PODXL2: variants seen among roughly 807,000 people sequenced by gnomAD.
PODXL2 encodes the protein podocalyxin like 2.
In PODXL2, 17 loss-of-function variants were observed where a neutral mutation model predicts 53.4. The observed-to-expected ratio is 0.32, with a 90% CI of 0.22 to 0.48. The LOEUF (loss-of-function observed/expected upper bound fraction) is 0.48, where lower values mean the gene tolerates loss of function less well. PODXL2 is among the 20% of genes least tolerant of loss of function. PODXL2 has a pLI of 0.99. For synonymous variants in PODXL2, 311 were observed against 306.7 expected, an observed-to-expected ratio of 1.01 and a Z score of -0.15; for missense variants, 673 against 760.0, an observed-to-expected ratio of 0.89 and a Z score of 1.35.
chr3:127,642,819 G>C (rs1405986946), intron 2 of PODXL2, among the ~76,000 whole-genome samples: 1 of 152,116 alleles, frequency 6.6e-6, no homozygotes, highest in Non-Finnish European at 1.5e-5. Context: ...AAGAGAACAG[G>C]CTTTGGAGTC....
intron 2 of PODXL2, among the ~76,000 whole-genome samples, chr3:127,657,001 A>G (rs1464316066): frequency 6.6e-6 from 1 of 152,084 alleles, no homozygotes; most frequent in Non-Finnish European, 1.5e-5. Flanking sequence ...TGATTGCACC[A>G]CTGCACTCCA....
intron 2 of PODXL2, among the ~76,000 whole-genome samples, chr3:127,647,212 GA>G (rs2074662250): frequency 6.6e-6 from 1 of 152,112 alleles, no homozygotes; most frequent in Non-Finnish European, 1.5e-5. Context: ...CATTTCAAGT[GA>G]AAAGAGCAAC....
chr3:127,653,535 A>G (rs1165660652), intron 2 of PODXL2, among the ~76,000 whole-genome samples: 1 of 152,030 alleles, frequency 6.6e-6, no homozygotes, highest in Non-Finnish European at 1.5e-5. Flanking sequence ...AGTCCCAGCT[A>G]CTCAGGAGGC....
Position 127,668,467 on chromosome 3 carries a change from A to G in PODXL2, c.1233A>G (p.Pro411=). ...DCEVFRQHRG[P]QLLALVEEVL... ...AGGTGTTCCGGCAGCACCGGGGGCC[A>G]CAGCTCCTGGCCCTGGTGGAAGAGG... is the stretch of plus-strand genomic sequence containing the variant. Residue 411 remains proline (P), a synonymous_variant, in exon 5 of 8, where the codon CCA becomes CCG. Coordinates refer to ENST00000342480, the MANE Select transcript of PODXL2 (RefSeq NM_015720.4). 1 of 1,545,784 alleles carries G rather than the reference A, an allele frequency of 6.5e-7. No individual in the cohort carries two copies. Among genetic ancestry groups the G allele is most frequent in the Non-Finnish European group, 8.7e-7 (1 of 1,147,902 alleles).
At chr3:127,634,242 A>G (rs1422127783) in intron 1 of PODXL2, among the ~76,000 whole-genome samples, 2 of 152,150 alleles carry the variant, frequency 1.3e-5, no homozygotes, top group African/African-American at 4.8e-5. Context: ...CCTGGCCAAC[A>G]TGGCGACACC....
intron 2 of PODXL2, among the ~76,000 whole-genome samples, chr3:127,651,017 C>A (rs771511459): frequency 3.9e-5 from 6 of 152,196 alleles, no homozygotes; most frequent in Non-Finnish European, 8.8e-5. Flanking sequence ...GTAATCCCAA[C>A]GCTTCGGGAG....
At chr3:127,646,871 C>T (rs2074660251) in intron 2 of PODXL2, among the ~76,000 whole-genome samples, 1 of 152,160 alleles carries the variant, frequency 6.6e-6, no homozygotes, top group Non-Finnish European at 1.5e-5. Flanking sequence ...AGCACTGATG[C>T]CCTGGGCCTG....
At chr3:127,631,039 C>G (rs974061882) in intron 1 of PODXL2, among the ~76,000 whole-genome samples, 4 of 152,228 alleles carry the variant, frequency 2.6e-5, no homozygotes. Context: ...GCACTTCTTA[C>G]CCCCTGCTTG....
At chr3:127,635,323 T>C (rs1243242200) in intron 1 of PODXL2, among the ~76,000 whole-genome samples, 2 of 152,264 alleles carry the variant, frequency 1.3e-5, no homozygotes, top group Non-Finnish European at 2.9e-5. Flanking sequence ...GTTTTCTTGC[T>C]GGTCTCTGTA....
At chr3:127,637,224 G>C (rs926131883) in intron 1 of PODXL2, among the ~76,000 whole-genome samples, 1 of 152,200 alleles carries the variant, frequency 6.6e-6, no homozygotes, top group Non-Finnish European at 1.5e-5. Flanking sequence ...GGTTGGCACA[G>C]ACGTTTACTA....
chr3:127,647,463 A>G (rs1044235634), intron 2 of PODXL2, among the ~76,000 whole-genome samples: 1 of 152,228 alleles, frequency 6.6e-6, no homozygotes, highest in African/African-American at 2.4e-5. Flanking sequence ...TGAGCAAATT[A>G]AAGTGTTCTG....
intron 2 of PODXL2, among the ~76,000 whole-genome samples, chr3:127,646,444 G>C (rs2074657385): frequency 6.6e-6 from 1 of 151,164 alleles, no homozygotes; most frequent in Non-Finnish European, 1.5e-5. Flanking sequence ...GAGTACAATG[G>C]TGCAACAGTC....
At chr3:127,655,007 A>G (rs188806806) in intron 2 of PODXL2, among the ~76,000 whole-genome samples, 143 of 152,168 alleles carry the variant, frequency 9.4e-4, no homozygotes, top group African/African-American at 3.1e-3. Flanking sequence ...CAGTGGTGCA[A>G]TCTCGGCTCA....
In PODXL2 at chr3:127,671,190, A is replaced by G. The variant is rs187599051; in HGVS notation, c.1426-244A>G. On this transcript the variant is annotated intron_variant, in intron 6 of 7. Coordinates refer to ENST00000342480, the MANE Select transcript of PODXL2 (RefSeq NM_015720.4). ...AGACTCAGCGGCTGGGGCAGAAGCTATGGTGGGATGTGAAGGAGGCTGGGA... is the reference window on the plus strand; with the variant it reads ...AGACTCAGCGGCTGGGGCAGAAGCTGTGGTGGGATGTGAAGGAGGCTGGGA... 2.6e-5 allele frequency among the ~76,000 whole-genome samples: 4 copies of G among 152,284 alleles called. No individual in the cohort carries two copies. In the East Asian group the frequency reaches 7.7e-4, roughly 29 times the overall value.
At chr3:127,652,877 A>T (rs960303603) in intron 2 of PODXL2, among the ~76,000 whole-genome samples, 1 of 152,072 alleles carries the variant, frequency 6.6e-6, no homozygotes, top group Non-Finnish European at 1.5e-5. Flanking sequence ...AGAGCTGTCC[A>T]CGGCAGCAGG....
In PODXL2 at chr3:127,661,156, G is replaced by A. The variant is rs774038430; in HGVS notation, c.1128G>A (p.Thr376=). The stretch of plus-strand genomic sequence containing the variant: ...AATCCAGGATACCCTGGGATTCTAC[G>A]CAGGTAAAGTGAGGGGCATGCGGGC... ...EAQSRIPWDS[T]QVICKDWSNL... is the part of the protein sequence containing the mutation. Residue 376 remains threonine (T), a synonymous_variant, in exon 3 of 8, where the codon ACG becomes ACA. Coordinates refer to ENST00000342480, the MANE Select transcript of PODXL2 (RefSeq NM_015720.4). 15 of 1,612,536 alleles carry A rather than the reference G, an allele frequency of 9.3e-6. No individual in the cohort carries two copies. Among genetic ancestry groups the A allele is most frequent in the East Asian group, 2.2e-5 (1 of 44,866 alleles).
chr3:127,667,398 C>A (rs1004470031), intron 4 of PODXL2, among the ~76,000 whole-genome samples: 3 of 152,222 alleles, frequency 2.0e-5, no homozygotes, highest in African/African-American at 7.2e-5. Flanking sequence ...TGTGAGAGAG[C>A]TGAGCACCTG....
chr3:127,645,246 C>G (rs115803825), intron 2 of PODXL2, among the ~76,000 whole-genome samples: 2,222 of 152,266 alleles, frequency 0.015, 60 homozygotes, highest in South Asian at 0.045. Context: ...GGGTGCTTTG[C>G]CCAAGGACAC....
chr3:127,662,341 G>A, intron 4 of PODXL2, 30 bp downstream of exon 4: 1 of 1,584,400 alleles, frequency 6.3e-7, no homozygotes, highest in Non-Finnish European at 8.6e-7. Context: ...CCGAACCGCA[G>A]GGAAAGGCTG....
Sources: allele counts gnomAD v4.1 joint callset (sites outside exome capture counted in the v4.1 genomes callset), GRCh38; gene constraint gnomAD v4.1.1; transcripts MANE v1.5; gene names NCBI Gene and HGNC (gene_info 2026-07-23, HGNC 2026-07-21).